The following FBXO25 variants were observed in gnomAD, a reference collection of about 807,000 sequenced individuals.
FBXO25 encodes F-box protein 25.
In FBXO25, 45 loss-of-function variants were observed where a neutral mutation model predicts 51.9. The observed-to-expected ratio is 0.87, with a 90% CI of 0.68 to 1.11. The LOEUF is 1.11. Among genes scored for constraint, FBXO25 ranks in the 50% most tolerant of loss-of-function variants. FBXO25 has a pLI of 0.00. For synonymous variants in FBXO25, 199 were observed against 151.0 expected (o/e 1.32, Z -2.33); for missense variants, 507 against 428.5 (o/e 1.18, Z -1.62).
intron 2 of FBXO25, among the ~76,000 whole-genome samples, chr8:422,819 G>A (rs1239273768): frequency 2.0e-5 from 3 of 152,190 alleles, no homozygotes. Flanking sequence ...GCAGAGTGGA[G>A]AGCCTCCCTG....
chr8:444,278 G>A (rs1798605592), intron 5 of FBXO25, among the ~76,000 whole-genome samples: 1 of 152,188 alleles, frequency 6.6e-6, no homozygotes, highest in Admixed American at 6.5e-5. Context: ...TAGAGGTAGT[G>A]GATGTTGTTG....
rs117409982 is a variant in FBXO25 at position 457,191 on chromosome 8, C to T, written c.661-1178C>T. Reference sequence around the variant, plus strand: ...CCCAGACTGGGGTCAGGAGCTGAGGCGGGACCAGGTAGCCTCTGTCCCGCC... The same window carrying T: ...CCCAGACTGGGGTCAGGAGCTGAGGTGGGACCAGGTAGCCTCTGTCCCGCC... On this transcript the variant is annotated intron_variant, in intron 7 of 9. Transcript: ENST00000350302. Among the ~76,000 whole-genome samples the T allele has an allele frequency of 3.4e-3, 522 of 152,268 alleles. 20 individuals are homozygous for T. The East Asian group carries it at 0.086, about 25-fold the overall frequency.
intron 5 of FBXO25, among the ~76,000 whole-genome samples, chr8:435,933 A>C (rs7838909): frequency 0.015 from 2,252 of 152,176 alleles, 41 homozygotes; most frequent in African/African-American, 0.052. Flanking sequence ...GGGAGCAAAC[A>C]CTCATCTGCC....
chr8:466,361 C>T (rs11785040), intron 9 of FBXO25, among the ~76,000 whole-genome samples: 12,912 of 152,128 alleles, frequency 0.085, 744 homozygotes, highest in African/African-American at 0.15. Context: ...CTTGGTTTGA[C>T]GCCATGACCC....
chr8:431,604 G>T (rs567166860), intron 3 of FBXO25, among the ~76,000 whole-genome samples, 160 bp downstream of exon 3: 9 of 152,318 alleles, frequency 5.9e-5, no homozygotes, highest in Admixed American at 5.9e-4. Flanking sequence ...ACTTTTTGCA[G>T]CTCAACCGTT....
In FBXO25 at chr8:472,857, T is replaced by A. The variant is rs1563106479; in HGVS notation, c.*4053T>A. The A allele has an allele frequency of 6.6e-6, 1 of 152,244 alleles. No individual in the cohort carries two copies. Among genetic ancestry groups the A allele is most frequent in the Non-Finnish European group, 1.5e-5 (1 of 68,054 alleles). The allele number at this position is 152,244 out of a possible 1,614,324, so 9.4% of individuals were successfully genotyped here. ...AAGGGGTGCTGCCCTCTGAGAAAAG[T>A]CAGAAGCAAGCCTGCCTTATGAAAC... On this transcript the variant is annotated 3_prime_UTR_variant, in exon 10 of 10. Coordinates refer to ENST00000350302, the MANE Select transcript of FBXO25 (RefSeq NM_183420.2).
intron 7 of FBXO25, among the ~76,000 whole-genome samples, chr8:457,528 T>C (rs974090754): frequency 6.6e-6 from 1 of 152,192 alleles, no homozygotes; most frequent in Non-Finnish European, 1.5e-5. Context: ...CATAGAAATG[T>C]AAAGCTGGAA....
At chr8:438,456 TA>T (rs1480690749) in intron 5 of FBXO25, among the ~76,000 whole-genome samples, 1 of 152,244 alleles carries the variant, frequency 6.6e-6, no homozygotes, top group Admixed American at 6.5e-5. Flanking sequence ...AGTCTTAGGA[TA>T]AAAGTTAGTA....
At chr8:448,564 T>TA (rs1047514099) in intron 5 of FBXO25, among the ~76,000 whole-genome samples, 1 of 152,242 alleles carries the variant, frequency 6.6e-6, no homozygotes, top group African/African-American at 2.4e-5. Flanking sequence ...AGGGAATACT[T>TA]ACTGTTCTCA....
chr8:435,241 T>C (rs1195634320), intron 4 of FBXO25, among the ~76,000 whole-genome samples: 1 of 152,142 alleles, frequency 6.6e-6, no homozygotes, highest in Non-Finnish European at 1.5e-5. Context: ...GTTAATCAGG[T>C]GATTTATGTA....
At chr8:426,388 C>G (rs1477457230) in intron 2 of FBXO25, among the ~76,000 whole-genome samples, 1 of 152,064 alleles carries the variant, frequency 6.6e-6, no homozygotes. Context: ...GACCTGTAAT[C>G]CCTACTACAA....
At chr8:459,593 G>C (rs1218267979) in intron 8 of FBXO25, among the ~76,000 whole-genome samples, 1 of 152,164 alleles carries the variant, frequency 6.6e-6, no homozygotes, top group African/African-American at 2.4e-5. Flanking sequence ...TAAGAGTTAT[G>C]GGCAAGGAAG....
intron 9 of FBXO25, among the ~76,000 whole-genome samples, chr8:466,936 C>T (rs111929736): frequency 2.2e-3 from 329 of 152,206 alleles, no homozygotes; most frequent in African/African-American, 7.5e-3. Flanking sequence ...TTGGCTGGGT[C>T]AGGGAAGCCA....
intron 2 of FBXO25, among the ~76,000 whole-genome samples, chr8:422,710 A>G (rs1215811306): frequency 1.3e-5 from 2 of 152,340 alleles, no homozygotes; most frequent in African/African-American, 4.8e-5. Flanking sequence ...TAGGCAAGCC[A>G]GAGGCATCAC....
intron 6 of FBXO25, among the ~76,000 whole-genome samples, chr8:450,440 A>G (rs914405050): frequency 2.6e-5 from 4 of 152,240 alleles, no homozygotes; most frequent in South Asian, 2.1e-4. Context: ...AGATAAGCCA[A>G]TAATTTTCTT....
At chr8:417,343 G>A (rs1796869053) in intron 2 of FBXO25, among the ~76,000 whole-genome samples, 1 of 152,218 alleles carries the variant, frequency 6.6e-6, no homozygotes. Context: ...GAAGCAAGTG[G>A]ACCAGTTCTT....
intron 7 of FBXO25, among the ~76,000 whole-genome samples, chr8:457,822 A>G (rs1295177537): frequency 6.6e-6 from 1 of 152,230 alleles, no homozygotes; most frequent in African/African-American, 2.4e-5. Context: ...TTACACCTCA[A>G]TAAAGAAAAA....
intron 1 of FBXO25, among the ~76,000 whole-genome samples, chr8:410,280 AT>A: frequency 6.6e-6 from 1 of 152,100 alleles, no homozygotes; most frequent in Non-Finnish European, 1.5e-5. Context: ...GTGTTTTGCT[AT>A]TGTTCTTTTT....
At chr8:431,166 A>G (rs1469034843) in intron 2 of FBXO25, among the ~76,000 whole-genome samples, 175 bp from the exon 3 acceptor site, 3 of 152,232 alleles carry the variant, frequency 2.0e-5, no homozygotes, top group Non-Finnish European at 4.4e-5. Context: ...CAATATTCTC[A>G]AAGAACCAGG....
Sources: gnomAD v4.1 joint callset for allele counts (sites outside exome capture counted in the v4.1 genomes callset) on GRCh38, gnomAD v4.1.1 for gene constraint, MANE v1.5 for transcripts, NCBI Gene and HGNC (gene_info 2026-07-23, HGNC 2026-07-21) for gene names.